Variants in RIN2 observed in about 807,000 individuals in gnomAD.
The protein encoded by RIN2 is RAB5 interacting protein 2.
In RIN2, 36 loss-of-function variants were observed where a neutral mutation model predicts 78.0. That is an observed-to-expected ratio of 0.46 (90% CI 0.35 to 0.61). RIN2 has a LOEUF of 0.61. RIN2 is among the 20% of genes least tolerant of loss of function. RIN2 has a pLI of 0.00. For missense variants in RIN2, 1,087 were observed against 1,159.7 expected (o/e 0.94, Z 0.91); for synonymous variants, 466 against 466.8 (o/e 1.00, Z 0.02).
rs1342640267 is a variant in RIN2 at position 19,990,194 on chromosome 20, G to A, written c.1951G>A (p.Val651Met). The A allele has an allele frequency of 1.2e-6, 2 of 1,609,926 alleles. No homozygotes were observed. The highest frequency in any genetic ancestry group is 2.2e-5 in the East Asian group (1 of 44,808). ...VFAPTPDFVD[V>M]EKIKVKFMTM... is the part of the protein sequence containing the mutation. The stretch of plus-strand genomic sequence containing the variant: ...CGCCCCGACCCCTGATTTTGTGGAT[G>A]TGGAGAAAATCAAAGTCAAGTTCAT... Residue 651 changes from valine (V) to methionine (M), a missense_variant, in exon 10 of 13, where the codon GTG becomes ATG. Physicochemically the swap from Val to Met is conservative, Grantham distance 21 (BLOSUM62 1). Around this residue, in one of 8 missense-constraint regions of RIN2, gnomAD observed 97 missense variants for 104.8 expected, o/e 0.93. Coordinates refer to ENST00000255006, the MANE Select transcript of RIN2 (RefSeq NM_018993.4).
At chr20:19,969,571 T>C (rs898036103) in intron 7 of RIN2, among the ~76,000 whole-genome samples, 2 of 152,204 alleles carry the variant, frequency 1.3e-5, no homozygotes, top group African/African-American at 2.4e-5. Context: ...CTCCTTCTCA[T>C]AGATTCTGTA....
At chr20:19,920,113 T>G (rs1000388948) in intron 3 of RIN2, among the ~76,000 whole-genome samples, 4 of 151,816 alleles carry the variant, frequency 2.6e-5, no homozygotes, top group African/African-American at 9.7e-5. Context: ...GCTAACACGG[T>G]GAAACCCCGT....
At chr20:19,927,322 A>G (rs1381631966) in intron 3 of RIN2, among the ~76,000 whole-genome samples, 2 of 152,240 alleles carry the variant, frequency 1.3e-5, no homozygotes, top group Admixed American at 6.5e-5. Flanking sequence ...GTCATGGCTC[A>G]CTGCAGCCTT....
At chr20:19,764,918 GTTTTTTTTTTTT>G (rs10605325) in intron 1 of RIN2, among the ~76,000 whole-genome samples, 2 of 50,362 alleles carry the variant, frequency 4.0e-5, no homozygotes, top group Non-Finnish European at 7.3e-5. Context: ...CACTTTCTGC[GTTTTTTTTTTTT>G]TTTTTTTTTT....
intron 2 of RIN2, among the ~76,000 whole-genome samples, chr20:19,871,586 C>G (rs1441007276): frequency 6.6e-6 from 1 of 152,198 alleles, no homozygotes; most frequent in Non-Finnish European, 1.5e-5. Context: ...GTCACACATT[C>G]TAGCTGTTCT....
chr20:19,961,620 G>A (rs1000861551), intron 6 of RIN2, among the ~76,000 whole-genome samples: 14 of 152,112 alleles, frequency 9.2e-5, no homozygotes, highest in African/African-American at 3.1e-4. Flanking sequence ...AGAAGCTGAA[G>A]GTGTAGATGA....
At chr20:19,993,361 C>T (rs140430327) in intron 11 of RIN2, among the ~76,000 whole-genome samples, 4 of 152,104 alleles carry the variant, frequency 2.6e-5, no homozygotes, top group African/African-American at 9.6e-5. Flanking sequence ...GTCATCCCAG[C>T]ATTTTCCCTG....
In RIN2 at chr20:20,002,413, A is replaced by C. The variant is rs577897707; in HGVS notation, c.*1477A>C. On this transcript the variant is annotated 3_prime_UTR_variant, in exon 13 of 13. Coordinates refer to ENST00000255006, the MANE Select transcript of RIN2 (RefSeq NM_018993.4). ...TGGAATTTTGCACATAATACATTGT[A>C]ATACTGTATGATAATCATGTGTGAA... is the stretch of plus-strand genomic sequence containing the variant. The C allele has an allele frequency of 2.6e-5, 4 of 152,578 alleles. No individual in the cohort carries two copies. Among genetic ancestry groups the C allele is most frequent in the Non-Finnish European group, 5.9e-5 (4 of 68,012 alleles). The allele number at this position is 152,578 out of a possible 1,614,324, so 9.5% of individuals were successfully genotyped here.
intron 3 of RIN2, among the ~76,000 whole-genome samples, chr20:19,910,801 C>T (rs888700127): frequency 6.6e-6 from 1 of 152,086 alleles, no homozygotes; most frequent in African/African-American, 2.4e-5. Flanking sequence ...CTCTTGACCT[C>T]AAGTGATCCG....
intron 7 of RIN2, among the ~76,000 whole-genome samples, chr20:19,970,363 A>G (rs2042065736): frequency 6.6e-6 from 1 of 152,226 alleles, no homozygotes; most frequent in Admixed American, 6.5e-5. Context: ...GGAAGATTTC[A>G]TAAGTAAAGC....
intron 11 of RIN2, among the ~76,000 whole-genome samples, chr20:19,994,979 C>T (rs2042909884): frequency 6.6e-6 from 1 of 152,094 alleles, no homozygotes. Flanking sequence ...GAAAAAATAA[C>T]CTCAAGTCTT....
intron 2 of RIN2, among the ~76,000 whole-genome samples, chr20:19,842,935 T>C (rs116424352): frequency 0.011 from 1,627 of 152,064 alleles, 41 homozygotes; most frequent in African/African-American, 0.038. Flanking sequence ...AATATCAGTA[T>C]AAATTGGAGT....
At chr20:19,800,781 C>G (rs910853735) in intron 2 of RIN2, among the ~76,000 whole-genome samples, 6 of 152,222 alleles carry the variant, frequency 3.9e-5, no homozygotes, top group Admixed American at 2.6e-4. Context: ...TTGTTTTCAG[C>G]TATTTCATTT....
In RIN2 at chr20:19,912,157, C is replaced by A. The variant is rs559149101; in HGVS notation, c.57+22499C>A. On this transcript the variant is annotated intron_variant, in intron 3 of 12. Coordinates refer to ENST00000255006, the MANE Select transcript of RIN2 (RefSeq NM_018993.4). ...CCTTAACTCCAGGACTCCTCAAGTA[C>A]ACGTCAACTGGACCCAGACAAGTTT... Among the ~76,000 whole-genome samples, 62 of 152,360 alleles carry A rather than the reference C, an allele frequency of 4.1e-4. 1 individual carries two copies. The South Asian group carries it at 0.012, about 30-fold the overall frequency.
chr20:19,760,411 T>A (rs1219280650), intron 1 of RIN2, among the ~76,000 whole-genome samples: 1 of 152,158 alleles, frequency 6.6e-6, no homozygotes, highest in African/African-American at 2.4e-5. Flanking sequence ...ACTTGACCTC[T>A]AGTGTAGGGC....
intron 2 of RIN2, among the ~76,000 whole-genome samples, chr20:19,804,441 A>G (rs1201860696): frequency 1.3e-5 from 2 of 152,192 alleles, no homozygotes; most frequent in Non-Finnish European, 2.9e-5. Context: ...CCTTTTCTAC[A>G]TCTATTGAGA....
intron 1 of RIN2, among the ~76,000 whole-genome samples, chr20:19,782,426 G>A (rs550546625): frequency 2.3e-4 from 35 of 152,138 alleles, no homozygotes; most frequent in African/African-American, 7.2e-4. Context: ...TTATCCAGGC[G>A]TGGTGATGCA....
chr20:19,816,585 G>A (rs2035774606), intron 2 of RIN2, among the ~76,000 whole-genome samples: 2 of 152,198 alleles, frequency 1.3e-5, no homozygotes, highest in Admixed American at 1.3e-4. Flanking sequence ...CTTTTTACGT[G>A]TCTGTTAGCA....
intron 10 of RIN2, among the ~76,000 whole-genome samples, chr20:19,991,819 G>A (rs914838895): frequency 1.3e-5 from 2 of 152,204 alleles, no homozygotes; most frequent in Non-Finnish European, 2.9e-5. Context: ...ATTAGCATAA[G>A]TAAATATTTT....
Sources: gnomAD v4.1 joint callset for allele counts (sites outside exome capture counted in the v4.1 genomes callset) on GRCh38, gnomAD v4.1.1 for gene constraint, gnomAD v4.1.1 regional missense constraint, MANE v1.5 for transcripts, NCBI Gene and HGNC (gene_info 2026-07-23, HGNC 2026-07-21) for gene names.